Variants in EMC3 observed in about 807,000 individuals in gnomAD.
EMC3 encodes 30 kDa protein.
In EMC3, 13 loss-of-function variants were observed where a neutral mutation model predicts 36.6. The observed-to-expected ratio is 0.35, with a 90% CI of 0.23 to 0.56. The LOEUF is 0.56. Ranked by LOEUF, EMC3 falls within the 20% of genes least tolerant of loss-of-function variation. EMC3 has a pLI of 0.84. For synonymous variants in EMC3, 120 were observed against 111.9 expected, an observed-to-expected ratio of 1.07 and a Z score of -0.46; for missense variants, 220 against 324.5, an observed-to-expected ratio of 0.68 and a Z score of 2.47.
At chr3:9,972,023 A>G (rs1230303285) in intron 5 of EMC3, among the ~76,000 whole-genome samples, 1 of 152,210 alleles carries the variant, frequency 6.6e-6, no homozygotes, top group Non-Finnish European at 1.5e-5. Flanking sequence ...TCAAAAAAAA[A>G]TAGTGGTATT....
rs1191456431 is a variant in EMC3, at chr3:9,976,982, C to T, written c.282G>A (p.Lys94=). ...EDGFFKKTKR[K]VVPPSPMTDP... is the part of the protein sequence containing the mutation. ...CAGTCATAGGAGAAGGTGGCACTAC[C>T]TTCCGTTTAGTTTTTTTGAAAAATC... The change falls in exon 3 of 8, where the codon AAG becomes AAA. Residue 94 remains lysine (K), a synonymous_variant. Transcript: ENST00000245046. 2 of 1,612,558 alleles carry T rather than the reference C, an allele frequency of 1.2e-6. No individual in the cohort carries two copies. Among genetic ancestry groups the T allele is most frequent in the Non-Finnish European group, 1.7e-6 (2 of 1,179,666 alleles).
At chr3:9,998,838 C>G (rs1266645733) in intron 1 of EMC3, among the ~76,000 whole-genome samples, 1 of 151,890 alleles carries the variant, frequency 6.6e-6, no homozygotes, top group East Asian at 1.9e-4. Flanking sequence ...CTCACTGCAA[C>G]CTCCACTTCC....
At chr3:9,969,310 T>G in intron 7 of EMC3, 2 of 1,110,286 alleles carry the variant, frequency 1.8e-6, no homozygotes, top group Non-Finnish European at 2.2e-6. Flanking sequence ...TGAGATTTTG[T>G]CCCACAAAAA....
At chr3:9,998,954 C>T (rs546784278) in intron 1 of EMC3, among the ~76,000 whole-genome samples, 17 of 152,056 alleles carry the variant, frequency 1.1e-4, no homozygotes, top group African/African-American at 4.1e-4. Flanking sequence ...CATAAGGTTT[C>T]GTCATGTTAC....
At chr3:9,994,257 A>T (rs1279086857) in intron 1 of EMC3, 5 of 1,392,984 alleles carry the variant, frequency 3.6e-6, no homozygotes, top group Middle Eastern at 2.5e-4. Flanking sequence ...AGACTAGAGT[A>T]GAATTTCATT....
Position 9,963,798 on chromosome 3 carries a change from G to C in EMC3, c.*271C>G, listed in dbSNP as rs1231548309. On this transcript the variant is annotated 3_prime_UTR_variant, in exon 8 of 8. Transcript: ENST00000245046. Reference sequence around the variant, plus strand: ...GCCAAGATTTTATATATTATCAGTAGCCTGAGGTTTCCCCCTTTCTCTGAC... The same window carrying C: ...GCCAAGATTTTATATATTATCAGTACCCTGAGGTTTCCCCCTTTCTCTGAC... 2.9e-6 allele frequency: 1 copy of C among 343,502 alleles called. No homozygotes were observed. Among genetic ancestry groups the C allele is most frequent in the African/African-American group, 2.1e-5 (1 of 47,182 alleles). 21.3% of individuals were successfully genotyped at this position (343,502 alleles called of 1,614,324 possible).
At chr3:9,985,528 T>C (rs1389459087) in intron 1 of EMC3, among the ~76,000 whole-genome samples, 2 of 152,214 alleles carry the variant, frequency 1.3e-5, no homozygotes, top group Non-Finnish European at 2.9e-5. Flanking sequence ...AGAAAACTAT[T>C]ACTTTAATAT....
chr3:9,976,842 C>G (rs1189876904), intron 3 of EMC3, 115 bp downstream of exon 3: 4 of 730,502 alleles, frequency 5.5e-6, no homozygotes, highest in Non-Finnish European at 9.4e-6. Flanking sequence ...TCTAAGATTA[C>G]TATCTTTTGC....
At chr3:9,976,147 C>T (rs548203484) in intron 3 of EMC3, among the ~76,000 whole-genome samples, 2 of 152,178 alleles carry the variant, frequency 1.3e-5, no homozygotes, top group East Asian at 3.9e-4. Flanking sequence ...TGCTCTGTCG[C>T]CCAGGCTGGA....
chr3:10,005,737 C>T (rs193266609), intron 1 of EMC3, among the ~76,000 whole-genome samples: 2 of 152,302 alleles, frequency 1.3e-5, no homozygotes, highest in African/African-American at 2.4e-5. Flanking sequence ...CAATCCAGCT[C>T]ATGGTGGCCA....
chr3:9,977,269 C>T (rs2124909824), intron 2 of EMC3, 120 bp downstream of exon 2: 1 of 968,086 alleles, frequency 1.0e-6, no homozygotes, highest in East Asian at 2.6e-5. Context: ...ACCACCAGGC[C>T]ACAGCTTAAT....
Position 9,971,750 on chromosome 3 carries a change from T to C in EMC3, c.495-1089A>G, listed in dbSNP as rs548721271. On this transcript the variant is annotated intron_variant, in intron 5 of 7. Transcript: ENST00000245046. ...TACAGCTTTTCTTCTCTAGCAGAAC[T>C]GTGCATGGCCCAGCCTTCCCAGCCT... 1.7e-3 allele frequency among the ~76,000 whole-genome samples: 260 copies of C among 152,370 alleles called. 2 individuals carry two copies. The Middle Eastern group carries it at 0.024, about 14-fold the overall frequency.
In EMC3 at chr3:9,977,087, A is replaced by C. The variant is rs201498837; in HGVS notation, c.214-37T>G. 7.6e-5 allele frequency: 111 copies of C among 1,464,592 alleles called. 1 individual carries two copies. The highest frequency in any genetic ancestry group is 1.0e-4 in the Non-Finnish European group (107 of 1,059,008). 90.7% of individuals were successfully genotyped at this position (1,464,592 alleles called of 1,614,324 possible). A position where few individuals can be genotyped will look rare whatever the true frequency, so the allele number is the denominator to read the frequency against. ...AAAAAAAAGTGTTTTAAGTCTAAGAACTATGACACAGCAAACTGTTAAATT... is the reference window on the plus strand; with the variant it reads ...AAAAAAAAGTGTTTTAAGTCTAAGACCTATGACACAGCAAACTGTTAAATT... On this transcript the variant is annotated intron_variant, in intron 2 of 7. Coordinates refer to ENST00000245046, the MANE Select transcript of EMC3 (RefSeq NM_001394674.1).
Position 9,974,370 on chromosome 3 carries a change from G to A in EMC3, c.412+14C>T, listed in dbSNP as rs1024318708. 3 of 1,570,938 alleles carry A rather than the reference G, an allele frequency of 1.9e-6. No homozygotes were observed. The highest frequency in any genetic ancestry group is 2.7e-5 in the African/African-American group (2 of 74,046). On this transcript the variant is annotated intron_variant, in intron 4 of 7. Transcript: ENST00000245046. The stretch of plus-strand genomic sequence containing the variant: ...TCTCTGGGTAACATGAAGTCGGCTG[G>A]GTCTGTAACTTACTTGTGACAAAGC...
chr3:9,965,416 C>CGATAGATAGATA (rs57264688), intron 7 of EMC3, among the ~76,000 whole-genome samples: 5,334 of 145,822 alleles, frequency 0.037, 141 homozygotes, highest in African/African-American at 0.068. Context: ...GTGAGACCCT[C>CGATAGATAGATA]GATAGATAGA....
intron 1 of EMC3, among the ~76,000 whole-genome samples, chr3:9,978,756 G>A (rs2085877190): frequency 6.6e-6 from 1 of 152,174 alleles, no homozygotes; most frequent in South Asian, 2.1e-4. Context: ...CTTGAACCAG[G>A]AAGGTAGGGG....
At chr3:9,999,308 C>T (rs1472217565) in intron 1 of EMC3, among the ~76,000 whole-genome samples, 4 of 150,242 alleles carry the variant, frequency 2.7e-5, no homozygotes, top group Non-Finnish European at 4.4e-5. Flanking sequence ...GTGGTACGAT[C>T]TCGACTCTCT....
Position 9,986,812 on chromosome 3 carries a change from C to A in EMC3, c.-151G>T. The A allele has an allele frequency of 1.4e-6, 2 of 1,431,560 alleles. No individual in the cohort carries two copies. Among genetic ancestry groups the A allele is most frequent in the Non-Finnish European group, 1.8e-6 (2 of 1,090,648 alleles). The allele number at this position is 1,431,560 out of a possible 1,614,324, so 88.7% of individuals were successfully genotyped here. ...CTGCGACTGTGAGCCGAGCTTACTG[C>A]CTTCAGCTGGGCTGCCTGGTCTTCC... On this transcript the variant is annotated 5_prime_UTR_variant, in exon 1 of 8. Transcript: ENST00000245046.
intron 5 of EMC3, among the ~76,000 whole-genome samples, chr3:9,971,517 T>C (rs1195359830): frequency 6.6e-6 from 1 of 152,204 alleles, no homozygotes; most frequent in Non-Finnish European, 1.5e-5. Flanking sequence ...GTAAATGGCC[T>C]GTCTGAATAC....
Sources: gnomAD v4.1 joint callset for allele counts (sites outside exome capture counted in the v4.1 genomes callset) on GRCh38, gnomAD v4.1.1 for gene constraint, MANE v1.5 for transcripts, NCBI Gene and HGNC (gene_info 2026-07-23, HGNC 2026-07-21) for gene names.